Variants in PRPF40B observed in about 807,000 individuals in gnomAD.
PRPF40B encodes pre-mRNA-processing factor 40 homolog B.
A neutral mutation model predicts 124.5 loss-of-function variants in PRPF40B; 56 were observed. That is an observed-to-expected ratio of 0.45 (90% confidence interval 0.36 to 0.56). The LOEUF (loss-of-function observed/expected upper bound fraction) is 0.56, where lower values mean the gene tolerates loss of function less well. Ranked by LOEUF, PRPF40B falls within the 20% of genes least tolerant of loss-of-function variation. The pLI, the probability that PRPF40B is intolerant of heterozygous loss-of-function variation, is 0.00. For synonymous variants in PRPF40B, 443 were observed against 426.4 expected, an observed-to-expected ratio of 1.04 and a Z score of -0.48; for missense variants, 1,053 against 1,169.5, an observed-to-expected ratio of 0.90 and a Z score of 1.45.
intron 16 of PRPF40B, 44 bp downstream of exon 16, chr12:49,636,893 A>G (rs1310297795): frequency 1.2e-6 from 2 of 1,611,370 alleles, no homozygotes; most frequent in African/African-American, 1.3e-5. Context: ...GCTCTGCCCT[A>G]GAGCACAACC....
intron 9 of PRPF40B, 103 bp downstream of exon 9, chr12:49,633,764 T>C: frequency 1.2e-6 from 2 of 1,605,704 alleles, no homozygotes; most frequent in Non-Finnish European, 1.7e-6. Context: ...GAGCCAGCTC[T>C]GTCTCCTTGT....
chr12:49,632,483 T>C, intron 4 of PRPF40B, 113 bp from the exon 5 acceptor site: 3 of 1,148,386 alleles, frequency 2.6e-6, no homozygotes, highest in Non-Finnish European at 3.7e-6. Flanking sequence ...CAGAGATCTC[T>C]AGGAGCAGGA....
chr12:49,623,756 G>A, intron 1 of PRPF40B, 163 bp downstream of exon 1: 1 of 1,197,910 alleles, frequency 8.3e-7, no homozygotes. Context: ...GAGGGGGGAT[G>A]GGGGCGGGGA....
In PRPF40B at chr12:49,633,846, T is replaced by C. The variant is rs374623230; in HGVS notation, c.606-40T>C. ...GCCAGCCCCTGAAGTCCTCCATTCT[T>C]GCTCTCCTCCTGGACACCGCCCTTC... is the stretch of plus-strand genomic sequence containing the variant. On this transcript the variant is annotated intron_variant, in intron 9 of 25. Transcript: ENST00000548825. 1,408 of 1,611,816 alleles carry C rather than the reference T, an allele frequency of 8.7e-4. 5 individuals are homozygous for C. The highest frequency in any genetic ancestry group is 1.3e-3 in the South Asian group (122 of 91,040).
intron 16 of PRPF40B, 136 bp downstream of exon 16, chr12:49,636,985 T>A: frequency 7.8e-7 from 1 of 1,289,470 alleles, no homozygotes; most frequent in African/African-American, 1.5e-5. Context: ...ATGAGACCTC[T>A]CTCTGCCTGC....
In PRPF40B at chr12:49,631,410, C is replaced by T. The variant is rs754841742; in HGVS notation, c.94C>T (p.Pro32Ser). Residue 32 changes from proline (P) to serine (S), a missense_variant, in exon 3 of 26, where the codon CCA (proline) becomes TCA (serine). Pro to Ser is a moderately conservative substitution (Grantham distance 74). Transcript: ENST00000548825. This position sits in a 1 kb window ranked among gnomAD's most constrained non-coding sequence, Gnocchi z 4.3. ...PMMPPPFMPP[P>S]GIPPPFPPMG... ...CTTTACTCATTTCCAGATGCCCCCT[C>T]CAGGGATCCCCCCACCCTTTCCTCC... 4.0e-6 allele frequency: 6 copies of T among 1,493,438 alleles called. No homozygotes were observed. Among genetic ancestry groups the T allele is most frequent in the Non-Finnish European group, 5.3e-6 (6 of 1,124,270 alleles). 92.5% of individuals were successfully genotyped at this position (1,493,438 alleles called of 1,614,324 possible). A position where few individuals can be genotyped will look rare whatever the true frequency, so the allele number is the denominator to read the frequency against.
Position 49,629,238 on chromosome 12 carries a change from C to T in PRPF40B, c.4-1307C>T, listed in dbSNP as rs561611893. 5.3e-4 allele frequency among the ~76,000 whole-genome samples: 80 copies of T among 152,344 alleles called. No homozygotes were observed. The South Asian group carries it at 0.016, about 31-fold the overall frequency. ...CTTTTATACAAATGATAAAAGTTTG[C>T]TGCACCTTGCTTTCTTTCCCACTTG... On this transcript the variant is annotated intron_variant, in intron 1 of 25. Coordinates refer to ENST00000548825, the MANE Select transcript of PRPF40B (RefSeq NM_001031698.3).
chr12:49,632,106 C>T, intron 4 of PRPF40B, 181 bp downstream of exon 4: 1 of 663,184 alleles, frequency 1.5e-6, no homozygotes, highest in Admixed American at 2.3e-5. Flanking sequence ...TCTAGTTTCC[C>T]ACTCATCCCC....
At chr12:49,623,719 G>C (rs1940416208) in intron 1 of PRPF40B, 126 bp downstream of exon 1, 1 of 1,113,232 alleles carries the variant, frequency 9.0e-7, no homozygotes, top group East Asian at 4.7e-5. Context: ...GGGCGAGGGA[G>C]GCCAAGGGTG....
intron 4 of PRPF40B, chr12:49,632,393 G>A (rs1941308036): frequency 9.5e-6 from 6 of 629,402 alleles, no homozygotes; most frequent in Non-Finnish European, 1.4e-5. Flanking sequence ...TGAGGAGAAC[G>A]AAGAATGGAG....
rs1942748654 is a variant in PRPF40B, at chr12:49,642,108, A to G, written c.1884+84A>G. 29 of 1,602,564 alleles carry G rather than the reference A, an allele frequency of 1.8e-5. No homozygotes were observed. Among genetic ancestry groups the G allele is most frequent in the Non-Finnish European group, 2.5e-5 (29 of 1,171,772 alleles). On this transcript the variant is annotated intron_variant, in intron 19 of 25. Coordinates refer to ENST00000548825, the MANE Select transcript of PRPF40B (RefSeq NM_001031698.3). This position sits in a 1 kb window ranked among gnomAD's most constrained non-coding sequence, Gnocchi z 5.8. ...CTTCTCACTCACTGTCCCACTGACTATATTCCCAATTCAGGGGATGGTGGT... is the reference window on the plus strand; with the variant it reads ...CTTCTCACTCACTGTCCCACTGACTGTATTCCCAATTCAGGGGATGGTGGT...
Position 49,631,618 on chromosome 12 carries a change from T to C in PRPF40B, c.228+74T>C. 1.3e-6 allele frequency: 2 copies of C among 1,497,074 alleles called. No homozygotes were observed. Among genetic ancestry groups the C allele is most frequent in the Non-Finnish European group, 1.8e-6 (2 of 1,109,076 alleles). The allele number at this position is 1,497,074 out of a possible 1,614,324, so 92.7% of individuals were successfully genotyped here. ...CTGGGGGTGGAGATAAGAGCGGGCA[T>C]GTAGGCCTCAGAAACTGGGGAAGGA... On this transcript the variant is annotated intron_variant, in intron 3 of 25. Transcript: ENST00000548825. The surrounding 1 kb of genome is among the most constrained non-coding windows in gnomAD (Gnocchi z 4.3).
intron 1 of PRPF40B, among the ~76,000 whole-genome samples, chr12:49,624,529 G>A (rs967612368): frequency 6.6e-6 from 1 of 152,212 alleles, no homozygotes; most frequent in African/African-American, 2.4e-5. Context: ...TCTTCAGAGG[G>A]AGAGTGATGA....
In PRPF40B at chr12:49,635,618, C is replaced by T; in HGVS notation, c.1275+145C>T. 1 of 915,816 alleles carries T rather than the reference C, an allele frequency of 1.1e-6. No individual in the cohort carries two copies. Among genetic ancestry groups the T allele is most frequent in the Non-Finnish European group, 1.6e-6 (1 of 613,308 alleles). The allele number at this position is 915,816 out of a possible 1,614,324, so 56.7% of individuals were successfully genotyped here. A position where few individuals can be genotyped will look rare whatever the true frequency, so the allele number is the denominator to read the frequency against. ...GGAAGCTGGTATGGGACTTGCACATCTCATTTCTGCTCTGGGCCTATAGTC... is the reference window on the plus strand; with the variant it reads ...GGAAGCTGGTATGGGACTTGCACATTTCATTTCTGCTCTGGGCCTATAGTC... On this transcript the variant is annotated intron_variant, in intron 14 of 25. Transcript: ENST00000548825. The surrounding 1 kb of genome is among the most constrained non-coding windows in gnomAD (Gnocchi z 4.1).
rs1234527476 is a variant in PRPF40B, at chr12:49,644,424, G to A, written c.*232G>A. On this transcript the variant is annotated 3_prime_UTR_variant, in exon 26 of 26. Coordinates refer to ENST00000548825, the MANE Select transcript of PRPF40B (RefSeq NM_001031698.3). ...CCTCAGCCCCAGACCAGAGATGGGT[G>A]GTATATGCCATGTGGGGTGGGTGAT... 3 of 552,884 alleles carry A rather than the reference G, an allele frequency of 5.4e-6. No homozygotes were observed. Among genetic ancestry groups the A allele is most frequent in the African/African-American group, 1.9e-5 (1 of 52,972 alleles). The allele number at this position is 552,884 out of a possible 1,614,324, so 34.2% of individuals were successfully genotyped here.
In PRPF40B at chr12:49,634,398, C is replaced by T; in HGVS notation, c.879C>T (p.Leu293=). 1 of 1,614,210 alleles carries T rather than the reference C, an allele frequency of 6.2e-7. No individual in the cohort carries two copies. The highest frequency in any genetic ancestry group is 8.5e-7 in the Non-Finnish European group (1 of 1,180,038). The change falls in exon 11 of 26, where the codon CTC becomes CTT. Residue 293 remains leucine, a synonymous_variant. Coordinates refer to ENST00000548825, the MANE Select transcript of PRPF40B (RefSeq NM_001031698.3). The part of the protein sequence containing the change: ...ESKPEPERSG[L]SWSNREKAKQ... Reference sequence around the variant, plus strand: ...AGCCAGAACCAGAGAGGTCTGGCCTCAGTTGGAGCAACCGGGAGAAGGCAA... The same window carrying T: ...AGCCAGAACCAGAGAGGTCTGGCCTTAGTTGGAGCAACCGGGAGAAGGCAA...
chr12:49,635,785 A>C lies in PRPF40B; in HGVS notation c.1276-58A>C. On this transcript the variant is annotated intron_variant, in intron 14 of 25. Coordinates refer to ENST00000548825, the MANE Select transcript of PRPF40B (RefSeq NM_001031698.3). This position sits in a 1 kb window ranked among gnomAD's most constrained non-coding sequence, Gnocchi z 4.1. Reference sequence around the variant, plus strand: ...CCTTTCCCCAGGTCCTCCTCTGCCCAGGCCTACTTGGGTAGCTCTGGCCTG... The same window carrying C: ...CCTTTCCCCAGGTCCTCCTCTGCCCCGGCCTACTTGGGTAGCTCTGGCCTG... 1 of 1,597,924 alleles carries C rather than the reference A, an allele frequency of 6.3e-7. No homozygotes were observed. The highest frequency in any genetic ancestry group is 2.2e-5 in the East Asian group (1 of 44,630).
intron 4 of PRPF40B, chr12:49,632,291 C>T (rs1565828752): frequency 5.2e-6 from 3 of 575,370 alleles, no homozygotes; most frequent in East Asian, 5.7e-5. Context: ...TATGCTATCG[C>T]TCAGTGTAGC....
rs567889924 is a variant in PRPF40B at position 49,628,636 on chromosome 12, G to A, written c.4-1909G>A. Among the ~76,000 whole-genome samples, 3 of 148,964 alleles carry A rather than the reference G, an allele frequency of 2.0e-5. No individual in the cohort carries two copies. The South Asian group carries it at 6.4e-4, about 32-fold the overall frequency. ...TGGAGTTGGAGTGCAGTGGCGCCTCGGCTCACTGCAAACTCCGCCTCCTGG... is the reference window on the plus strand; with the variant it reads ...TGGAGTTGGAGTGCAGTGGCGCCTCAGCTCACTGCAAACTCCGCCTCCTGG... On this transcript the variant is annotated intron_variant, in intron 1 of 25. Coordinates refer to ENST00000548825, the MANE Select transcript of PRPF40B (RefSeq NM_001031698.3).
Sources: gnomAD v4.1 joint callset for allele counts (sites outside exome capture counted in the v4.1 genomes callset) on GRCh38, gnomAD v4.1.1 for gene constraint, Gnocchi (gnomAD v3.1) non-coding constraint, MANE v1.5 for transcripts, NCBI Gene and HGNC (gene_info 2026-07-23, HGNC 2026-07-21) for gene names.